The following LYN variants were observed in gnomAD, a reference collection of about 807,000 sequenced individuals.
The protein encoded by LYN is tyrosine-protein kinase Lyn.
A neutral mutation model predicts 65.0 loss-of-function variants in LYN; 12 were observed. That is an observed-to-expected ratio of 0.18 (90% CI 0.12 to 0.30). The LOEUF (loss-of-function observed/expected upper bound fraction) is 0.30, where lower values mean the gene tolerates loss of function less well. LYN is among the 10% of genes least tolerant of loss of function. The probability of loss-of-function intolerance (pLI) is 1.00; values close to 1 mark genes in which losing one functional copy is unlikely to be tolerated. For missense variants in LYN, 380 were observed against 623.2 expected, an observed-to-expected ratio of 0.61 and a Z score of 4.16; for synonymous variants, 222 against 221.2, an observed-to-expected ratio of 1.00 and a Z score of -0.03.
chr8:55,933,469 A>G (rs895728161), intron 1 of LYN, among the ~76,000 whole-genome samples: 1 of 152,238 alleles, frequency 6.6e-6, no homozygotes, highest in African/African-American at 2.4e-5. Context: ...TCTTATAAGT[A>G]ATTTATTCCA....
chr8:55,907,696 G>A (rs1308178419), intron 1 of LYN, among the ~76,000 whole-genome samples: 3 of 152,002 alleles, frequency 2.0e-5, no homozygotes, highest in Non-Finnish European at 2.9e-5. Context: ...GGGAGACCCT[G>A]TTTCTACAAA....
intron 10 of LYN, among the ~76,000 whole-genome samples, chr8:55,972,914 T>C (rs879352933): frequency 1.3e-4 from 20 of 152,230 alleles, no homozygotes; most frequent in Admixed American, 1.2e-3. Context: ...GCGATAATGA[T>C]GCGACTTGCT....
At chr8:55,913,308 C>G (rs1805694623) in intron 1 of LYN, among the ~76,000 whole-genome samples, 1 of 152,110 alleles carries the variant, frequency 6.6e-6, no homozygotes, top group African/African-American at 2.4e-5. Context: ...AAAAGTGTCC[C>G]CTAAGTCAAG....
At chr8:55,948,663 G>C (rs66476461) in intron 4 of LYN, among the ~76,000 whole-genome samples, 33,350 of 152,126 alleles carry the variant, frequency 0.22, 4,215 homozygotes, top group African/African-American at 0.34. Flanking sequence ...AGGGTTTGAG[G>C]GGGAGACTCC....
At chr8:55,915,438 C>T (rs1356127819) in intron 1 of LYN, among the ~76,000 whole-genome samples, 1 of 152,206 alleles carries the variant, frequency 6.6e-6, no homozygotes, top group African/African-American at 2.4e-5. Context: ...TTGGGCCTGG[C>T]TCATGCCTGT....
At chr8:55,909,756 A>G (rs1196675078) in intron 1 of LYN, among the ~76,000 whole-genome samples, 1 of 152,158 alleles carries the variant, frequency 6.6e-6, no homozygotes, top group Non-Finnish European at 1.5e-5. Context: ...AACCTCACCA[A>G]TATCTATTGA....
At chr8:55,949,095 G>T (rs752251461) in intron 4 of LYN, among the ~76,000 whole-genome samples, 4 of 152,156 alleles carry the variant, frequency 2.6e-5, no homozygotes, top group Non-Finnish European at 5.9e-5. Flanking sequence ...TTCTGCTGAG[G>T]ACTCGAGCAT....
intron 1 of LYN, among the ~76,000 whole-genome samples, chr8:55,910,310 A>T (rs1020004104): frequency 6.6e-6 from 1 of 151,896 alleles, no homozygotes; most frequent in African/African-American, 2.4e-5. Flanking sequence ...ATTCATCTTG[A>T]GTTGATTTTT....
intron 2 of LYN, among the ~76,000 whole-genome samples, 163 bp from the exon 3 acceptor site, chr8:55,946,285 G>A (rs1379209893): frequency 6.6e-6 from 1 of 152,202 alleles, no homozygotes; most frequent in Admixed American, 6.5e-5. Context: ...AGCAGGGCAG[G>A]ATGCACCTCT....
intron 4 of LYN, among the ~76,000 whole-genome samples, chr8:55,948,997 AG>A: frequency 6.6e-6 from 1 of 152,172 alleles, no homozygotes. Flanking sequence ...TAAGGCTCAA[AG>A]GGACCCATTC....
chr8:55,992,259 C>T (rs1329769948), intron 10 of LYN, among the ~76,000 whole-genome samples: 1 of 152,106 alleles, frequency 6.6e-6, no homozygotes, highest in Non-Finnish European at 1.5e-5. Context: ...ATCGGTTTCC[C>T]AAGCTCTGTG....
chr8:55,972,187 C>T (rs1807626830), intron 10 of LYN, among the ~76,000 whole-genome samples: 2 of 152,182 alleles, frequency 1.3e-5, no homozygotes, highest in Admixed American at 1.3e-4. Context: ...CTGGGAGAGT[C>T]ACGGGTCAGC....
At chr8:55,914,387 C>G (rs891774155) in intron 1 of LYN, among the ~76,000 whole-genome samples, 1 of 151,916 alleles carries the variant, frequency 6.6e-6, no homozygotes, top group African/African-American at 2.4e-5. Flanking sequence ...CTTTAGGGTG[C>G]AAATGCTCCC....
At chr8:55,987,138 C>T (rs972358461) in intron 10 of LYN, among the ~76,000 whole-genome samples, 11 of 152,062 alleles carry the variant, frequency 7.2e-5, no homozygotes, top group Non-Finnish European at 1.2e-4. Context: ...TCTTGCCAGG[C>T]GCTGTGGCTC....
intron 10 of LYN, among the ~76,000 whole-genome samples, chr8:55,989,644 A>G (rs978108631): frequency 6.6e-6 from 1 of 152,194 alleles, no homozygotes; most frequent in African/African-American, 2.4e-5. Context: ...TTCCACTCAA[A>G]TGTTTCTAAA....
chr8:56,003,928 C>CT (rs1213079280), intron 12 of LYN, among the ~76,000 whole-genome samples: 17,466 of 104,690 alleles, frequency 0.17, 2,359 homozygotes, highest in Non-Finnish European at 0.26. Context: ...ATATTTTATT[C>CT]TTTTTTTTTT....
chr8:55,919,962 T>C (rs998859497), intron 1 of LYN, among the ~76,000 whole-genome samples: 2 of 152,154 alleles, frequency 1.3e-5, no homozygotes, highest in Non-Finnish European at 2.9e-5. Flanking sequence ...TGCTTCTTTG[T>C]CTGTCCTCCA....
At chr8:55,890,467 C>T (rs1804926227) in intron 1 of LYN, among the ~76,000 whole-genome samples, 1 of 152,104 alleles carries the variant, frequency 6.6e-6, no homozygotes, top group Non-Finnish European at 1.5e-5. Flanking sequence ...AATTGGAATC[C>T]TGTGCTTTGT....
At chr8:55,958,015 G>T (rs1160170942) in intron 8 of LYN, among the ~76,000 whole-genome samples, 1 of 152,156 alleles carries the variant, frequency 6.6e-6, no homozygotes, top group Non-Finnish European at 1.5e-5. Context: ...GCTGCTGTCA[G>T]CTGTGGTGTC....
Sources: gnomAD v4.1 joint callset for allele counts (sites outside exome capture counted in the v4.1 genomes callset) on GRCh38, gnomAD v4.1.1 for gene constraint, MANE v1.5 for transcripts, NCBI Gene and HGNC (gene_info 2026-07-23, HGNC 2026-07-21) for gene names.